The following SND1 variants were observed in gnomAD, a reference collection of about 807,000 sequenced individuals.
SND1 encodes the protein staphylococcal nuclease and tudor domain containing 1, also known as staphylococcal nuclease domain-containing protein 1.
A neutral mutation model predicts 121.7 loss-of-function variants in SND1; 38 were observed. That is an observed-to-expected ratio of 0.31 (90% CI 0.24 to 0.41). SND1 has a LOEUF of 0.41. Among genes scored for constraint, SND1 ranks in the 10% least tolerant of loss-of-function variants. SND1 has a pLI of 1.00. For synonymous variants in SND1, 401 were observed against 447.4 expected (o/e 0.90, Z 1.31); for missense variants, 868 against 1,184.6 (o/e 0.73, Z 3.92).
At chr7:127,961,730 C>A (rs1801735248) in intron 15 of SND1, among the ~76,000 whole-genome samples, 1 of 152,188 alleles carries the variant, frequency 6.6e-6, no homozygotes, top group African/African-American at 2.4e-5. Flanking sequence ...ACAAGCTTTT[C>A]TACCATTTCC....
intron 15 of SND1, among the ~76,000 whole-genome samples, chr7:127,977,159 T>A (rs1181072005): frequency 6.6e-6 from 1 of 152,234 alleles, no homozygotes; most frequent in Non-Finnish European, 1.5e-5. Context: ...GGATGCTCCC[T>A]GTTGCACACT....
intron 16 of SND1, among the ~76,000 whole-genome samples, chr7:128,049,167 A>G (rs1793003485): frequency 6.6e-6 from 1 of 152,172 alleles, no homozygotes; most frequent in Middle Eastern, 3.2e-3. Context: ...TTCAACCTGC[A>G]GATTTTTTCA....
intron 15 of SND1, among the ~76,000 whole-genome samples, chr7:127,976,870 G>T (rs567377458): frequency 1.6e-4 from 25 of 152,200 alleles, no homozygotes; most frequent in Non-Finnish European, 7.3e-5. Flanking sequence ...AGCTGGAATG[G>T]AGGCCGTGGA....
chr7:127,778,197 A>G (rs1340077019), intron 10 of SND1, among the ~76,000 whole-genome samples: 1 of 151,116 alleles, frequency 6.6e-6, no homozygotes, highest in Non-Finnish European at 1.5e-5. Context: ...TTATTTATTT[A>G]TTTATTTATT....
At chr7:128,082,219 G>A (rs377439988) in intron 18 of SND1, among the ~76,000 whole-genome samples, 1 of 152,248 alleles carries the variant, frequency 6.6e-6, no homozygotes, top group East Asian at 1.9e-4. Context: ...CTTTTCTCAT[G>A]GCCACCCTGT....
chr7:127,728,913 G>GT (rs1796626982), intron 10 of SND1, among the ~76,000 whole-genome samples: 2 of 152,058 alleles, frequency 1.3e-5, no homozygotes, highest in Admixed American at 6.6e-5. Flanking sequence ...TTACACTCCT[G>GT]TTTTTTACTG....
chr7:127,669,520 A>G (rs959346552), intron 1 of SND1, among the ~76,000 whole-genome samples: 3 of 152,154 alleles, frequency 2.0e-5, no homozygotes, highest in Admixed American at 1.3e-4. Context: ...GTCACTACCT[A>G]TATCCTCCAA....
chr7:127,843,211 T>C (rs1418305187), intron 11 of SND1, among the ~76,000 whole-genome samples: 1 of 152,198 alleles, frequency 6.6e-6, no homozygotes, highest in Non-Finnish European at 1.5e-5. Flanking sequence ...GAGTGGTATA[T>C]TTATTACAAT....
rs572869981 is a variant in SND1, at chr7:127,841,194, G to A, written c.1243-3130G>A. Among the ~76,000 whole-genome samples the A allele has an allele frequency of 3.3e-5, 5 of 152,234 alleles. No homozygotes were observed. The South Asian group carries it at 1.0e-3, about 32-fold the overall frequency. ...TGTTCCTCTGTGCTAAACAGCTGCT[G>A]TCCCACCCCTGTCTGCCTACTGAGA... On this transcript the variant is annotated intron_variant, in intron 11 of 23. Transcript: ENST00000354725.
intron 1 of SND1, among the ~76,000 whole-genome samples, chr7:127,686,261 T>A (rs574371203): frequency 6.6e-6 from 1 of 152,338 alleles, no homozygotes; most frequent in East Asian, 1.9e-4. Flanking sequence ...ATGGAGATAT[T>A]AATTCTTAAT....
intron 9 of SND1, among the ~76,000 whole-genome samples, chr7:127,714,074 A>G (rs1326694748): frequency 6.8e-6 from 1 of 147,644 alleles, no homozygotes; most frequent in African/African-American, 2.5e-5. Flanking sequence ...CCTGAATAAC[A>G]TTGTTGTGGG....
chr7:127,951,699 C>G (rs1801466876), intron 15 of SND1, among the ~76,000 whole-genome samples: 1 of 152,078 alleles, frequency 6.6e-6, no homozygotes, highest in South Asian at 2.1e-4. Context: ...AAATATGAGG[C>G]TGAATTGATT....
chr7:127,707,087 G>A lies in SND1; in HGVS notation c.948-470G>A, dbSNP rs546062163. 1.2e-4 allele frequency among the ~76,000 whole-genome samples: 18 copies of A among 152,136 alleles called. No homozygotes were observed. In the South Asian group the frequency reaches 3.3e-3, roughly 28 times the overall value. On this transcript the variant is annotated intron_variant, in intron 8 of 23. Coordinates refer to ENST00000354725, the MANE Select transcript of SND1 (RefSeq NM_014390.4). ...TAAACTCTTGTCAGTGAACTTATGA[G>A]GATTTTGTTCATTTTCTAATTATTC...
intron 10 of SND1, among the ~76,000 whole-genome samples, chr7:127,729,294 T>C (rs1384985419): frequency 6.6e-6 from 1 of 152,192 alleles, no homozygotes; most frequent in Non-Finnish European, 1.5e-5. Context: ...ATATATATTT[T>C]ACTGTTGTCG....
chr7:127,941,901 T>G (rs1241743049), intron 15 of SND1, among the ~76,000 whole-genome samples: 69 of 145,678 alleles, frequency 4.7e-4, no homozygotes, highest in Admixed American at 2.5e-3. Flanking sequence ...TTTTTTTTTT[T>G]TTTTTTTTTT....
chr7:128,003,321 C>T (rs967869177), intron 16 of SND1, among the ~76,000 whole-genome samples: 1 of 152,186 alleles, frequency 6.6e-6, no homozygotes, highest in Non-Finnish European at 1.5e-5. Context: ...GTAGCAAGAA[C>T]AGGTACCTCT....
chr7:127,952,012 C>T (rs1159391350), intron 15 of SND1, among the ~76,000 whole-genome samples: 2 of 152,140 alleles, frequency 1.3e-5, no homozygotes, highest in African/African-American at 4.8e-5. Context: ...GCCCTTCCCC[C>T]TCATCATGGG....
At chr7:127,699,325 G>C (rs1345902120) in intron 4 of SND1, among the ~76,000 whole-genome samples, 2 of 152,210 alleles carry the variant, frequency 1.3e-5, no homozygotes, top group Non-Finnish European at 2.9e-5. Context: ...AGTGTGAATA[G>C]ACTTAGCTTC....
intron 10 of SND1, among the ~76,000 whole-genome samples, chr7:127,725,225 G>A (rs542219224): frequency 5.9e-5 from 9 of 152,156 alleles, no homozygotes; most frequent in African/African-American, 1.7e-4. Context: ...CATTTACTAC[G>A]TACCAGCTGT....
Sources: gnomAD v4.1 joint callset for allele counts (sites outside exome capture counted in the v4.1 genomes callset) on GRCh38, gnomAD v4.1.1 for gene constraint, MANE v1.5 for transcripts, NCBI Gene and HGNC (gene_info 2026-07-23, HGNC 2026-07-21) for gene names.